The following PBX1 variants were observed in gnomAD, a reference collection of about 807,000 sequenced individuals.
PBX1 encodes the protein PBX homeobox 1.
In PBX1, 6 loss-of-function variants were observed where a neutral mutation model predicts 53.4. The ratio of observed to expected loss-of-function variants is 0.11; its 90% CI spans 0.06 to 0.22. PBX1 has a LOEUF of 0.22. Among genes scored for constraint, PBX1 ranks in the 10% least tolerant of loss-of-function variants. The pLI is 1.00. For missense variants in PBX1, 251 were observed against 551.4 expected (o/e 0.46, Z 5.46); for synonymous variants, 204 against 212.3 (o/e 0.96, Z 0.34).
intron 2 of PBX1, among the ~76,000 whole-genome samples, chr1:164,611,722 C>T (rs952883890): frequency 1.3e-5 from 2 of 152,118 alleles, no homozygotes; most frequent in East Asian, 1.9e-4. Flanking sequence ...CTCATCTACT[C>T]TGCTGGAAGA....
intron 2 of PBX1, among the ~76,000 whole-genome samples, chr1:164,586,470 C>G (rs1396529652): frequency 6.6e-6 from 1 of 152,078 alleles, no homozygotes; most frequent in East Asian, 1.9e-4. Flanking sequence ...CTGGACTGTT[C>G]TATGTTGAGT....
intron 2 of PBX1, among the ~76,000 whole-genome samples, chr1:164,693,999 T>C (rs1324922629): frequency 2.0e-5 from 3 of 152,170 alleles, no homozygotes; most frequent in Admixed American, 6.5e-5. Flanking sequence ...CCCACCTCCA[T>C]GAAACCTTTA....
chr1:164,880,569 C>T, intron 2 of PBX1, among the ~76,000 whole-genome samples: 1 of 152,138 alleles, frequency 6.6e-6, no homozygotes, highest in East Asian at 1.9e-4. Context: ...GGGCACCTTG[C>T]CTTTGCAATT....
intron 6 of PBX1, chr1:164,817,497 TA>T (rs1456318926): frequency 1.3e-5 from 2 of 152,226 alleles, no homozygotes; most frequent in African/African-American, 4.8e-5. Context: ...GCCATGGTAA[TA>T]TTGTACATGG....
chr1:164,794,296 T>G (rs1668681626), intron 3 of PBX1, among the ~76,000 whole-genome samples: 1 of 152,174 alleles, frequency 6.6e-6, no homozygotes, highest in Non-Finnish European at 1.5e-5. Flanking sequence ...AATTTAAATT[T>G]TAAAATAGAA....
chr1:164,678,968 T>G (rs1467647838), intron 2 of PBX1, among the ~76,000 whole-genome samples: 1 of 152,184 alleles, frequency 6.6e-6, no homozygotes, highest in African/African-American at 2.4e-5. Context: ...ACGTACGTGG[T>G]GTGGAAATTA....
intron 2 of PBX1, among the ~76,000 whole-genome samples, chr1:164,615,494 A>C (rs528838517): frequency 6.6e-6 from 1 of 151,734 alleles, no homozygotes; most frequent in Admixed American, 6.6e-5. Context: ...TCCTGATTTT[A>C]TACTGTGGTG....
chr1:164,594,248 A>G (rs1383512731), intron 2 of PBX1, among the ~76,000 whole-genome samples: 2 of 152,202 alleles, frequency 1.3e-5, no homozygotes, highest in Non-Finnish European at 2.9e-5. Context: ...TAAAGCTGCA[A>G]CAGAGACTTG....
intron 2 of PBX1, among the ~76,000 whole-genome samples, chr1:164,643,543 G>C (rs1416886224): frequency 6.6e-6 from 1 of 152,108 alleles, no homozygotes; most frequent in Non-Finnish European, 1.5e-5. Flanking sequence ...CCCACCATGT[G>C]CCAAAGCAAG....
chr1:164,861,886 G>A (rs1268425349), intron 2 of PBX1, among the ~76,000 whole-genome samples: 1 of 152,194 alleles, frequency 6.6e-6, no homozygotes, highest in African/African-American at 2.4e-5. Context: ...AGGAGCCCAA[G>A]GTGGCTGGAT....
Position 164,848,462 on chromosome 1 carries a change from A to G in PBX1, c.*1786A>G. 1 of 1,057,202 alleles carries G rather than the reference A, an allele frequency of 9.5e-7. No homozygotes were observed. The highest frequency in any genetic ancestry group is 1.1e-6 in the Non-Finnish European group (1 of 874,182). 65.5% of individuals were successfully genotyped at this position (1,057,202 alleles called of 1,614,324 possible). On this transcript the variant is annotated 3_prime_UTR_variant, in exon 9 of 9. Transcript: ENST00000420696. ...TGTAAATGCGAAGTCAGGGGAAGTA[A>G]TGTCCCTGAAATAAACGGGTTCATG...
chr1:164,870,342 T>TTCCTTTCG (rs1672347929), intron 2 of PBX1, among the ~76,000 whole-genome samples: 1 of 115,264 alleles, frequency 8.7e-6, no homozygotes, highest in Non-Finnish European at 1.8e-5. Flanking sequence ...TCTTTCTTTC[T>TTCCTTTCG]TTCTTTCTTT....
chr1:164,622,535 C>G (rs561426087), intron 2 of PBX1, among the ~76,000 whole-genome samples: 1 of 152,296 alleles, frequency 6.6e-6, no homozygotes, highest in Admixed American at 6.5e-5. Context: ...CTTCCTTGTT[C>G]AGGATGAATT....
chr1:164,793,991 C>A (rs763209915), intron 3 of PBX1, among the ~76,000 whole-genome samples: 3 of 151,004 alleles, frequency 2.0e-5, no homozygotes, highest in African/African-American at 7.3e-5. Flanking sequence ...TCTCCTGCCT[C>A]AGCCTCCTGA....
Position 164,849,187 on chromosome 1 carries a change from G to T in PBX1, c.*2511G>T. ...AACAAGAAGAGTGACTCCAGATGTG[G>T]CCTGAATAATTGCCATGTTAAGTTA... On this transcript the variant is annotated 3_prime_UTR_variant, in exon 9 of 9. Coordinates refer to ENST00000420696, the MANE Select transcript of PBX1 (RefSeq NM_002585.4). 7.0e-7 allele frequency: 1 copy of T among 1,434,518 alleles called. No homozygotes were observed. Among genetic ancestry groups the T allele is most frequent in the Non-Finnish European group, 9.2e-7 (1 of 1,092,024 alleles). 88.9% of individuals were successfully genotyped at this position (1,434,518 alleles called of 1,614,324 possible).
chr1:164,767,732 A>G (rs1170535851), intron 2 of PBX1, among the ~76,000 whole-genome samples: 6 of 152,128 alleles, frequency 3.9e-5, no homozygotes, highest in African/African-American at 9.7e-5. Flanking sequence ...GTTTATTATT[A>G]TAAGTGTAGA....
chr1:164,578,349 T>C (rs1177448160), intron 2 of PBX1, among the ~76,000 whole-genome samples: 1 of 152,238 alleles, frequency 6.6e-6, no homozygotes, highest in Non-Finnish European at 1.5e-5. Context: ...ACAGGTTGTA[T>C]AGTGAAAAAG....
intron 6 of PBX1, chr1:164,816,154 G>A (rs1417583319): frequency 6.6e-6 from 1 of 152,076 alleles, no homozygotes; most frequent in Admixed American, 6.6e-5. Context: ...AATTTGTCCT[G>A]GAATTGGAAC....
intron 2 of PBX1, among the ~76,000 whole-genome samples, chr1:164,738,444 C>T (rs1665417745): frequency 6.6e-6 from 1 of 152,126 alleles, no homozygotes; most frequent in Non-Finnish European, 1.5e-5. Flanking sequence ...TGCCACTATA[C>T]CTGGCTGATT....
Sources: allele counts gnomAD v4.1 joint callset (sites outside exome capture counted in the v4.1 genomes callset), GRCh38; gene constraint gnomAD v4.1.1; transcripts MANE v1.5; gene names NCBI Gene and HGNC (gene_info 2026-07-23, HGNC 2026-07-21).